The following MIA2 variants were observed in gnomAD, a reference collection of about 807,000 sequenced individuals.
The protein encoded by MIA2 is melanoma inhibitory activity protein 2.
In MIA2, 127 loss-of-function variants were observed where a neutral mutation model predicts 167.8. That is an observed-to-expected ratio of 0.76 (90% confidence interval 0.66 to 0.88). The LOEUF (loss-of-function observed/expected upper bound fraction) is 0.88, where lower values mean the gene tolerates loss of function less well. MIA2 is among the 40% of genes least tolerant of loss of function. The pLI is 0.00. For synonymous variants in MIA2, 552 were observed against 541.9 expected (o/e 1.02, Z -0.26); for missense variants, 1,690 against 1,624.7 (o/e 1.04, Z -0.69).
In MIA2 at chr14:39,262,986, T is replaced by C. The variant is rs138989727; in HGVS notation, c.1887+9815T>C. Among the ~76,000 whole-genome samples, 1,373 of 152,320 alleles carry C rather than the reference T, an allele frequency of 9.0e-3. 14 individuals carry two copies. Among genetic ancestry groups the C allele is most frequent in the African/African-American group, 0.03 (1,259 of 41,568 alleles). On this transcript the variant is annotated intron_variant, in intron 6 of 28. Transcript: ENST00000640607. The stretch of plus-strand genomic sequence containing the variant: ...ACAGGGGCAATTTGACTCCCTCTTT[T>C]CCTAACTGAATACCCTTTATTTCCT...
intron 9 of MIA2, among the ~76,000 whole-genome samples, chr14:39,290,323 T>TA (rs1233871979): frequency 6.6e-6 from 1 of 151,650 alleles, no homozygotes. Flanking sequence ...TTCAGACAGA[T>TA]ATATATTTTT....
intron 11 of MIA2, among the ~76,000 whole-genome samples, chr14:39,293,587 T>A (rs562676251): frequency 9.8e-5 from 15 of 152,310 alleles, no homozygotes; most frequent in Admixed American, 5.9e-4. Flanking sequence ...TTATAGAAAT[T>A]TTCTATATGC....
intron 21 of MIA2, among the ~76,000 whole-genome samples, chr14:39,317,197 G>T (rs1338736578): frequency 6.6e-6 from 1 of 152,126 alleles, no homozygotes; most frequent in African/African-American, 2.4e-5. Context: ...TATCAGGAAG[G>T]TCACTTGGGA....
At chr14:39,308,368 T>C (rs1324722077) in intron 17 of MIA2, 81 bp from the exon 18 acceptor site, 1 of 837,804 alleles carries the variant, frequency 1.2e-6, no homozygotes, top group South Asian at 2.5e-5. Context: ...TTATTATTTT[T>C]AGTAATTTTT....
In MIA2 at chr14:39,253,081, T is replaced by G. The variant is rs1477002682; in HGVS notation, c.1797T>G (p.Ser599=). 6.3e-7 allele frequency: 1 copy of G among 1,592,472 alleles called. No individual in the cohort carries two copies. The highest frequency in any genetic ancestry group is 1.8e-5 in the Admixed American group (1 of 55,280). The change falls in exon 6 of 29, where the codon TCT becomes TCG. Residue 599 remains serine (S), a synonymous_variant. Transcript: ENST00000640607. ...TTTATAAATCAACAGAAGATGCTTC[T>G]GAGTTTCAGATTCTGAAATACTTAT... The part of the protein sequence containing the change: ...QNYISQKEDA[S]EFQILKYLFQ...
At chr14:39,256,633 A>G (rs1170929485) in intron 6 of MIA2, among the ~76,000 whole-genome samples, 1 of 152,208 alleles carries the variant, frequency 6.6e-6, no homozygotes, top group Non-Finnish European at 1.5e-5. Flanking sequence ...GTTTTGGAAA[A>G]AAATGATTTT....
At chr14:39,236,371 G>A (rs1335611397) in intron 1 of MIA2, among the ~76,000 whole-genome samples, 1 of 152,010 alleles carries the variant, frequency 6.6e-6, no homozygotes, top group African/African-American at 2.4e-5. Context: ...ATAAGGAAGA[G>A]GATTTTGCAG....
chr14:39,238,811 A>AAAAAAC, intron 2 of MIA2, among the ~76,000 whole-genome samples: 13 of 103,628 alleles, frequency 1.3e-4, no homozygotes, highest in South Asian at 9.4e-4. Flanking sequence ...AAAAAAAAAA[A>AAAAAAC]CCCAAAAAAC....
At chr14:39,345,864 ATT>A (rs1256794409) in intron 25 of MIA2, 38 bp from the exon 26 acceptor site, 1 of 1,551,918 alleles carries the variant, frequency 6.4e-7, no homozygotes, top group South Asian at 1.2e-5. Flanking sequence ...CTTGATTTAT[ATT>A]TACATTAATG....
intron 6 of MIA2, among the ~76,000 whole-genome samples, chr14:39,263,633 C>CTTT (rs35948974): frequency 0.17 from 22,323 of 130,674 alleles, 2,440 homozygotes; most frequent in East Asian, 0.48. Flanking sequence ...CTCTCTCTCT[C>CTTT]TTTTTTTTTT....
Position 39,358,417 on chromosome 14 carries a change from G to T in MIA2, c.2248+9440G>T, listed in dbSNP as rs563637952. ...GTTCAGTTCCATCAGGTCCTTTAGG[G>T]ATTTCTCTGCATTGGTTATTCTAGT... is the stretch of plus-strand genomic sequence containing the variant. On this transcript the variant is annotated intron_variant, in intron 23 of 23. Coordinates refer to the MIA2 transcript ENST00000341502. Among the ~76,000 whole-genome samples the T allele has an allele frequency of 4.1e-4, 63 of 152,168 alleles. 1 individual carries two copies. The highest frequency in any genetic ancestry group is 5.9e-4 in the Admixed American group (9 of 15,264).
chr14:39,241,272 T>C (rs547305173), intron 3 of MIA2, among the ~76,000 whole-genome samples: 83 of 152,166 alleles, frequency 5.5e-4, no homozygotes, highest in Non-Finnish European at 1.1e-3. Context: ...TTAATTCAGA[T>C]TCTGGGTTAA....
At chr14:39,335,039 C>A (rs936834954) in intron 25 of MIA2, among the ~76,000 whole-genome samples, 1 of 151,950 alleles carries the variant, frequency 6.6e-6, no homozygotes, top group Non-Finnish European at 1.5e-5. Flanking sequence ...TGCTTGAGGC[C>A]AGGAGTTCTG....
chr14:39,337,325 C>G (rs1411057137), intron 25 of MIA2, among the ~76,000 whole-genome samples: 1 of 152,084 alleles, frequency 6.6e-6, no homozygotes, highest in Non-Finnish European at 1.5e-5. Context: ...AAAGACAAAT[C>G]CAGTTATAAT....
chr14:39,261,477 T>C (rs950949097), intron 6 of MIA2, among the ~76,000 whole-genome samples: 3 of 152,202 alleles, frequency 2.0e-5, no homozygotes, highest in Non-Finnish European at 4.4e-5. Context: ...TATAGCAGCA[T>C]GATTTATAAT....
intron 23 of MIA2, among the ~76,000 whole-genome samples, chr14:39,377,229 G>A (rs2075062146): frequency 1.3e-5 from 2 of 149,160 alleles, no homozygotes; most frequent in Non-Finnish European, 3.0e-5. Flanking sequence ...GAACATAGGG[G>A]GAGGAAGAAA....
At chr14:39,347,815 CTTCTTT>C in intron 27 of MIA2, 44 bp downstream of exon 27, 1 of 1,048,958 alleles carries the variant, frequency 9.5e-7, no homozygotes, top group African/African-American at 2.4e-5. Context: ...ATTCAGAAGC[CTTCTTT>C]TTTTTTTTTT....
chr14:39,299,660 A>G (rs944188831), intron 13 of MIA2, among the ~76,000 whole-genome samples: 2 of 152,236 alleles, frequency 1.3e-5, no homozygotes, highest in Non-Finnish European at 2.9e-5. Flanking sequence ...AGATATGTAT[A>G]TCTCAGGAAA....
downstream of MIA2, chr14:39,350,810 A>C (rs1475489135): frequency 6.6e-6 from 1 of 152,214 alleles, no homozygotes; most frequent in Admixed American, 6.5e-5. Flanking sequence ...TTTCTTGTAA[A>C]TAGACATGAG....
Sources: allele counts gnomAD v4.1 joint callset (sites outside exome capture counted in the v4.1 genomes callset), GRCh38; gene constraint gnomAD v4.1.1; transcripts MANE v1.5; gene names NCBI Gene and HGNC (gene_info 2026-07-23, HGNC 2026-07-21).